DLC1: variants seen among roughly 807,000 people sequenced by gnomAD.
DLC1 encodes the protein DLC1 Rho GTPase activating protein, also known as rho GTPase-activating protein 7.
In DLC1, 54 loss-of-function variants were observed where a neutral mutation model predicts 140.3. The ratio of observed to expected loss-of-function variants is 0.38; its 90% CI spans 0.31 to 0.48. The LOEUF (loss-of-function observed/expected upper bound fraction) is 0.48. Ranked by LOEUF, DLC1 falls within the 20% of genes least tolerant of loss-of-function variation. The pLI, the probability that DLC1 is intolerant of heterozygous loss-of-function variation, is 0.96. For synonymous variants in DLC1, 986 were observed against 728.1 expected, an observed-to-expected ratio of 1.35 and a Z score of -5.70; for missense variants, 2,536 against 1,907.0, an observed-to-expected ratio of 1.33 and a Z score of -6.14.
intron 5 of DLC1, among the ~76,000 whole-genome samples, chr8:13,264,193 C>G (rs1247795926): frequency 6.6e-6 from 1 of 151,886 alleles, no homozygotes; most frequent in East Asian, 1.9e-4. Context: ...CTCAGCCTCC[C>G]GAGTAGATGG....
At chr8:13,244,670 A>G (rs759339593) in intron 5 of DLC1, among the ~76,000 whole-genome samples, 7 of 152,086 alleles carry the variant, frequency 4.6e-5, no homozygotes, top group Non-Finnish European at 7.4e-5. Context: ...GATTGCTTTT[A>G]TTCCTTCCAC....
chr8:13,394,780 A>G (rs1275214125), intron 3 of DLC1, among the ~76,000 whole-genome samples: 1 of 152,122 alleles, frequency 6.6e-6, no homozygotes, highest in Non-Finnish European at 1.5e-5. Flanking sequence ...CTTTTAATAC[A>G]GTAAGCTGGT....
At chr8:13,175,574 C>G (rs1825715427) in intron 5 of DLC1, among the ~76,000 whole-genome samples, 1 of 152,100 alleles carries the variant, frequency 6.6e-6, no homozygotes, top group South Asian at 2.1e-4. Context: ...AAAAAAATAA[C>G]TCTATAGACT....
intron 5 of DLC1, among the ~76,000 whole-genome samples, chr8:13,115,898 G>A (rs935242139): frequency 6.6e-6 from 1 of 152,174 alleles, no homozygotes; most frequent in Non-Finnish European, 1.5e-5. Context: ...GGGGTCCTGA[G>A]AGTAAGTTTC....
chr8:13,501,634 C>T (rs1801827272), intron 1 of DLC1, among the ~76,000 whole-genome samples: 1 of 152,124 alleles, frequency 6.6e-6, no homozygotes, highest in Non-Finnish European at 1.5e-5. Context: ...GTAAATATTT[C>T]CAGTCTGTAA....
chr8:13,182,477 C>T (rs1275351135), intron 5 of DLC1, among the ~76,000 whole-genome samples: 2 of 152,108 alleles, frequency 1.3e-5, no homozygotes, highest in Non-Finnish European at 2.9e-5. Context: ...ACTTTTAATT[C>T]ACCTTGAATT....
chr8:13,181,556 AATTCCCACCT>A (rs1175794237), intron 5 of DLC1, among the ~76,000 whole-genome samples: 1 of 137,132 alleles, frequency 7.3e-6, no homozygotes, highest in African/African-American at 2.8e-5. Flanking sequence ...CTCATTGTTC[AATTCCCACCT>A]ATGAGTGAGA....
chr8:13,296,199 G>A (rs140496779), intron 5 of DLC1, among the ~76,000 whole-genome samples: 7 of 151,882 alleles, frequency 4.6e-5, no homozygotes, highest in African/African-American at 1.7e-4. Flanking sequence ...CAAGTGATTC[G>A]CTCACCTCGG....
At chr8:13,590,751 A>G (rs954225646) in intron 1 of DLC1, among the ~76,000 whole-genome samples, 3 of 152,094 alleles carry the variant, frequency 2.0e-5, no homozygotes, top group Admixed American at 1.3e-4. Context: ...TTCATGCCTA[A>G]TTATGCCATT....
At chr8:13,582,739 A>G (rs1805152427) in intron 1 of DLC1, among the ~76,000 whole-genome samples, 1 of 151,280 alleles carries the variant, frequency 6.6e-6, no homozygotes, top group African/African-American at 2.4e-5. Context: ...ACCCTGACTA[A>G]TACAGTACAG....
At chr8:13,450,868 G>A (rs942958642) in intron 2 of DLC1, among the ~76,000 whole-genome samples, 3 of 151,316 alleles carry the variant, frequency 2.0e-5, no homozygotes, top group South Asian at 2.1e-4. Context: ...GTGAAACCCC[G>A]TTTCTACTAA....
chr8:13,229,659 G>C lies in DLC1; in HGVS notation c.1348+75610C>G, dbSNP rs187950738. On this transcript the variant is annotated intron_variant, in intron 5 of 17. Coordinates refer to ENST00000276297, the MANE Select transcript of DLC1 (RefSeq NM_182643.3). The stretch of plus-strand genomic sequence containing the variant: ...GAAGGAAGAGAGAGAGAAAGAGAGA[G>C]AGAGAGAAGAGAGAGAGAGAGACTT... 1.9e-3 allele frequency among the ~76,000 whole-genome samples: 291 copies of C among 152,090 alleles called. 2 individuals carry two copies. The highest frequency in any genetic ancestry group is 6.8e-3 in the African/African-American group (282 of 41,492).
At chr8:13,089,916 T>G (rs1283112206) in intron 15 of DLC1, among the ~76,000 whole-genome samples, 2 of 152,178 alleles carry the variant, frequency 1.3e-5, no homozygotes, top group Non-Finnish European at 2.9e-5. Context: ...TCTGACCAAA[T>G]TATGGAAAAA....
rs1000142352 is a variant in DLC1, at chr8:13,598,887, T to C, written c.-126+5650A>G. Among the ~76,000 whole-genome samples the C allele has an allele frequency of 3.3e-5, 5 of 151,930 alleles. No homozygotes were observed. The South Asian group carries it at 1.0e-3, about 32-fold the overall frequency. On this transcript the variant is annotated intron_variant, in intron 1 of 1. Coordinates refer to the DLC1 transcript ENST00000631382. ...TTTTGGCTGTTGAGTCATGTTAAAA[T>C]GTCAGAACTAATATTTTCATTATTC... is the stretch of plus-strand genomic sequence containing the variant.
At chr8:13,147,672 A>ATT (rs932023007) in intron 5 of DLC1, among the ~76,000 whole-genome samples, 1 of 149,146 alleles carries the variant, frequency 6.7e-6, no homozygotes, top group Non-Finnish European at 1.5e-5. Flanking sequence ...TATTATTATT[A>ATT]TTTTTTTTTT....
At chr8:13,578,449 T>C (rs1228862105) in intron 1 of DLC1, among the ~76,000 whole-genome samples, 1 of 152,152 alleles carries the variant, frequency 6.6e-6, no homozygotes, top group Admixed American at 6.5e-5. Context: ...TGTCCTAGAA[T>C]TCATTCAGTT....
At chr8:13,554,138 C>T (rs1803962933) in intron 1 of DLC1, among the ~76,000 whole-genome samples, 1 of 152,146 alleles carries the variant, frequency 6.6e-6, no homozygotes, top group Non-Finnish European at 1.5e-5. Context: ...ACAATCTCCA[C>T]TCACTGCAAC....
intron 3 of DLC1, among the ~76,000 whole-genome samples, chr8:13,396,804 A>G (rs1837062674): frequency 1.3e-5 from 2 of 152,134 alleles, no homozygotes; most frequent in Non-Finnish European, 2.9e-5. Flanking sequence ...CAATTTGAGA[A>G]ATTACCCAAA....
intron 4 of DLC1, among the ~76,000 whole-genome samples, chr8:13,347,476 A>C (rs73663595): frequency 0.011 from 1,654 of 152,238 alleles, 31 homozygotes; most frequent in African/African-American, 0.038. Context: ...GGCATGAGAG[A>C]GGGGCAGGCT....
Sources: allele counts gnomAD v4.1 joint callset (sites outside exome capture counted in the v4.1 genomes callset), GRCh38; gene constraint gnomAD v4.1.1; transcripts MANE v1.5; gene names NCBI Gene and HGNC (gene_info 2026-07-23, HGNC 2026-07-21).